ANK3: variants seen among roughly 807,000 people sequenced by gnomAD.
ANK3 encodes ankyrin-3.
A neutral mutation model predicts 370.9 loss-of-function variants in ANK3; 57 were observed. The observed-to-expected ratio is 0.15, with a 90% CI of 0.12 to 0.19. The LOEUF (loss-of-function observed/expected upper bound fraction) is 0.19. Ranked by LOEUF, ANK3 falls within the 10% of genes least tolerant of loss-of-function variation. ANK3 has a pLI of 1.00. For missense variants in ANK3, 4,439 were observed against 5,302.1 expected (o/e 0.84, Z 5.06); for synonymous variants, 1,929 against 1,946.3 (o/e 0.99, Z 0.23).
chr10:60,666,313 T>A, intron 1 of ANK3, among the ~76,000 whole-genome samples: 1 of 152,094 alleles, frequency 6.6e-6, no homozygotes, highest in South Asian at 2.1e-4. Flanking sequence ...AGACAAATAC[T>A]GTATGACTCC....
chr10:60,261,999 G>T, intron 6 of ANK3, 42 bp from the exon 7 acceptor site: 1 of 1,532,616 alleles, frequency 6.5e-7, no homozygotes, highest in Non-Finnish European at 9.0e-7. Flanking sequence ...ATTCCTGCCA[G>T]CCCCCTGCCT....
intron 1 of ANK3, among the ~76,000 whole-genome samples, chr10:60,330,613 AC>A (rs1292798762): frequency 6.6e-6 from 1 of 152,174 alleles, no homozygotes; most frequent in Non-Finnish European, 1.5e-5. Context: ...AAGTCAGGAA[AC>A]AACAGATGCT....
At chr10:60,381,732 T>C (rs2061579769) in intron 1 of ANK3, among the ~76,000 whole-genome samples, 1 of 152,146 alleles carries the variant, frequency 6.6e-6, no homozygotes, top group Non-Finnish European at 1.5e-5. Context: ...GGCAAATGCA[T>C]TTATTTGCAG....
In ANK3 at chr10:60,145,078, C is replaced by T. The variant is rs1480877935; in HGVS notation, c.2615-5991G>A. Among the ~76,000 whole-genome samples, 5 of 152,160 alleles carry T rather than the reference C, an allele frequency of 3.3e-5. No individual in the cohort carries two copies. The East Asian group carries it at 9.6e-4, about 29-fold the overall frequency. The stretch of plus-strand genomic sequence containing the variant: ...TGTTTTCCCATCTGGCTGGAGACTT[C>T]AGTCATAAAGTTCCTTAAGACAAGG... On this transcript the variant is annotated intron_variant, in intron 23 of 43. Coordinates refer to ENST00000280772, the MANE Select transcript of ANK3 (RefSeq NM_020987.5).
chr10:60,380,729 G>T lies in ANK3; in HGVS notation c.114+8696C>A, dbSNP rs529420643. On this transcript the variant is annotated intron_variant, in intron 1 of 43. Transcript: ENST00000280772. ...TTCCTGCAATAAAAAAATCACAGAG[G>T]GTCTATGATGAAAATGTCTAAGGAA... Among the ~76,000 whole-genome samples, 6 of 152,146 alleles carry T rather than the reference G, an allele frequency of 3.9e-5. No homozygotes were observed. In the East Asian group the frequency reaches 1.2e-3, roughly 29 times the overall value.
chr10:60,714,603 T>A lies in ANK3; in HGVS notation c.57+18660A>T, dbSNP rs142163068. On this transcript the variant is annotated intron_variant, in intron 1 of 43. Coordinates refer to the ANK3 transcript ENST00000373827. ...TTTGAAAATAAACTAATGGGATTCA[T>A]CACATCAAAAGGCTAAAGAAGAAAA... 4.1e-4 allele frequency among the ~76,000 whole-genome samples: 63 copies of A among 152,264 alleles called. 1 individual carries two copies. In the East Asian group the frequency reaches 0.011, roughly 26 times the overall value.
chr10:60,119,373 T>C (rs2093323575), intron 25 of ANK3, among the ~76,000 whole-genome samples: 1 of 152,242 alleles, frequency 6.6e-6, no homozygotes, highest in African/African-American at 2.4e-5. Flanking sequence ...TTTCAACTAT[T>C]CACTTATGTT....
At chr10:60,163,863 C>G (rs1162814611) in intron 23 of ANK3, among the ~76,000 whole-genome samples, 1 of 152,080 alleles carries the variant, frequency 6.6e-6, no homozygotes, top group Admixed American at 6.6e-5. Context: ...CTTTTAAAAG[C>G]TGCTGTTATT....
At chr10:60,578,137 G>A (rs554210622) in intron 2 of ANK3, among the ~76,000 whole-genome samples, 1 of 152,234 alleles carries the variant, frequency 6.6e-6, no homozygotes, top group Admixed American at 6.5e-5. Context: ...GGATTTTCCT[G>A]TTTTGTTCCG....
intron 1 of ANK3, among the ~76,000 whole-genome samples, chr10:60,700,016 C>T (rs1316844996): frequency 6.6e-6 from 1 of 152,098 alleles, no homozygotes; most frequent in Non-Finnish European, 1.5e-5. Context: ...ATGTTGTTAT[C>T]AACTGTAGAC....
At chr10:60,524,555 T>C (rs766689633) in intron 2 of ANK3, among the ~76,000 whole-genome samples, 78 of 152,134 alleles carry the variant, frequency 5.1e-4, no homozygotes, top group Admixed American at 2.2e-3. Flanking sequence ...CTGCCATCTA[T>C]GTAAGATGTG....
intron 1 of ANK3, among the ~76,000 whole-genome samples, chr10:60,714,858 G>C (rs937821810): frequency 1.3e-5 from 2 of 152,160 alleles, no homozygotes; most frequent in African/African-American, 2.4e-5. Flanking sequence ...GTGGGGCACA[G>C]AAGATTTTTA....
chr10:60,260,822 G>T (rs1013596382), intron 7 of ANK3, among the ~76,000 whole-genome samples: 1 of 152,134 alleles, frequency 6.6e-6, no homozygotes, highest in Non-Finnish European at 1.5e-5. Context: ...CTCCCCAGGA[G>T]CCGAGCTGGT....
chr10:60,322,991 A>G (rs894967469), intron 1 of ANK3, among the ~76,000 whole-genome samples: 19 of 152,150 alleles, frequency 1.2e-4, no homozygotes, highest in Non-Finnish European at 2.4e-4. Flanking sequence ...GCTTGTTATC[A>G]TTGAGATGCC....
chr10:60,363,985 T>G (rs1354265022), intron 1 of ANK3, among the ~76,000 whole-genome samples: 1 of 151,654 alleles, frequency 6.6e-6, no homozygotes, highest in Non-Finnish European at 1.5e-5. Flanking sequence ...TTTTTTTTTT[T>G]TTTTTTTTTA....
At chr10:60,595,651 T>C (rs1010064797) in intron 2 of ANK3, among the ~76,000 whole-genome samples, 2 of 152,176 alleles carry the variant, frequency 1.3e-5, no homozygotes, top group African/African-American at 2.4e-5. Flanking sequence ...GCTAATTTGT[T>C]AGTTTTTAAA....
At chr10:60,342,829 A>G (rs1029912813) in intron 1 of ANK3, among the ~76,000 whole-genome samples, 1 of 152,152 alleles carries the variant, frequency 6.6e-6, no homozygotes, top group South Asian at 2.1e-4. Context: ...ACTTGTGAAA[A>G]AGGGGTTCCA....
At chr10:60,366,558 A>G (rs1308051967) in intron 1 of ANK3, among the ~76,000 whole-genome samples, 1 of 151,644 alleles carries the variant, frequency 6.6e-6, no homozygotes, top group East Asian at 1.9e-4. Flanking sequence ...ATAAGAGGAG[A>G]TACTAGACTT....
chr10:60,279,515 A>C (rs200668305), intron 2 of ANK3, 23 bp downstream of exon 2: 2 of 1,559,098 alleles, frequency 1.3e-6, no homozygotes, highest in Non-Finnish European at 1.7e-6. Context: ...TAAGTAAAAA[A>C]TTCAATAATA....
Sources: allele counts gnomAD v4.1 joint callset (sites outside exome capture counted in the v4.1 genomes callset), GRCh38; gene constraint gnomAD v4.1.1; transcripts MANE v1.5; gene names NCBI Gene and HGNC (gene_info 2026-07-23, HGNC 2026-07-21).